Variants in ZMYND8 observed in about 807,000 individuals in gnomAD.
ZMYND8 encodes the protein zinc finger MYND-type containing 8.
In ZMYND8, 37 loss-of-function variants were observed where a neutral mutation model predicts 140.8. The observed-to-expected ratio is 0.26, with a 90% CI of 0.20 to 0.35. The LOEUF is 0.35. ZMYND8 is among the 10% of genes least tolerant of loss of function. The pLI is 1.00. For missense variants in ZMYND8, 1,068 were observed against 1,570.0 expected, an observed-to-expected ratio of 0.68 and a Z score of 5.40; for synonymous variants, 592 against 597.1, an observed-to-expected ratio of 0.99 and a Z score of 0.12.
intron 6 of ZMYND8, among the ~76,000 whole-genome samples, chr20:47,290,942 TCACA>T (rs1463599065): frequency 6.6e-6 from 1 of 152,184 alleles, no homozygotes; most frequent in Non-Finnish European, 1.5e-5. Context: ...TCATATGGTC[TCACA>T]CAAACCTCAC....
intron 2 of ZMYND8, chr20:47,318,714 C>G (rs779931595): frequency 2.2e-6 from 1 of 458,664 alleles, no homozygotes; most frequent in Admixed American, 2.3e-5. Flanking sequence ...CCAGAGCTGC[C>G]GGGCTGAGCC....
In ZMYND8 at chr20:47,303,132, A is replaced by C. The variant is rs377400321; in HGVS notation, c.235-4185T>G. Among the ~76,000 whole-genome samples, 38 of 152,242 alleles carry C rather than the reference A, an allele frequency of 2.5e-4. No homozygotes were observed. The East Asian group carries it at 4.2e-3, about 17-fold the overall frequency. On this transcript the variant is annotated intron_variant, in intron 3 of 22. Coordinates refer to ENST00000471951, the MANE Select transcript of ZMYND8 (RefSeq NM_001281775.3). Reference sequence around the variant, plus strand: ...GTAGAGGGTCTGCTCTCTGCCTAGGAAAATGGTTGCTTCGAATTTATTGTA... The same window carrying C: ...GTAGAGGGTCTGCTCTCTGCCTAGGCAAATGGTTGCTTCGAATTTATTGTA...
rs2075621131 is a variant in ZMYND8 at position 47,267,543 on chromosome 20, T to C, written c.1481-5115A>G. Among the ~76,000 whole-genome samples the C allele has an allele frequency of 2.0e-5, 3 of 151,804 alleles. No homozygotes were observed. The South Asian group carries it at 6.2e-4, about 32-fold the overall frequency. On this transcript the variant is annotated intron_variant, in intron 11 of 22. Coordinates refer to ENST00000471951, the MANE Select transcript of ZMYND8 (RefSeq NM_001281775.3). ...CTGGGCAACACTGCCCTGCCTATCA[T>C]TTCCCATGGAGACCCCGTAAGCACT...
At chr20:47,356,167 G>A (rs1399735735) in intron 1 of ZMYND8, among the ~76,000 whole-genome samples, 11 of 151,062 alleles carry the variant, frequency 7.3e-5, no homozygotes, top group African/African-American at 2.0e-4. Flanking sequence ...AAACTTGCCT[G>A]CTCTGCTGTC....
At chr20:47,303,950 C>A (rs972366753) in intron 3 of ZMYND8, among the ~76,000 whole-genome samples, 1 of 152,200 alleles carries the variant, frequency 6.6e-6, no homozygotes, top group Non-Finnish European at 1.5e-5. Flanking sequence ...TTGCTGAGAG[C>A]TAGATGCCTG....
intron 2 of ZMYND8, chr20:47,318,503 C>A (rs1403074930): frequency 2.8e-6 from 1 of 354,906 alleles, no homozygotes; most frequent in Non-Finnish European, 5.6e-6. Context: ...CCTGGCAGAG[C>A]ATAGAAGTAA....
intron 22 of ZMYND8, 126 bp from the exon 23 acceptor site, chr20:47,211,023 C>T: frequency 7.7e-7 from 1 of 1,295,456 alleles, no homozygotes. Context: ...GGTTCAAACA[C>T]TGCCACCGCT....
At chr20:47,229,972 A>C (rs2038239244) in intron 16 of ZMYND8, among the ~76,000 whole-genome samples, 166 bp from the exon 17 acceptor site, 1 of 152,144 alleles carries the variant, frequency 6.6e-6, no homozygotes. Context: ...GTGCAGGAGC[A>C]AGGAGAAGGA....
chr20:47,300,864 G>A (rs561610622), intron 3 of ZMYND8, among the ~76,000 whole-genome samples: 222 of 150,944 alleles, frequency 1.5e-3, no homozygotes, highest in African/African-American at 4.9e-3. Context: ...ACAGGTGAGC[G>A]CCACCATGCA....
intron 1 of ZMYND8, 21 bp downstream of exon 1, chr20:47,356,636 T>C (rs933597064): frequency 7.4e-6 from 12 of 1,614,034 alleles, no homozygotes; most frequent in Non-Finnish European, 1.0e-5. Context: ...GGAAAAAAGA[T>C]GGTTAAAAAG....
chr20:47,238,686 C>A, intron 15 of ZMYND8, 72 bp downstream of exon 15: 1 of 1,544,182 alleles, frequency 6.5e-7, no homozygotes. Flanking sequence ...AATAAAAGAG[C>A]AATGACTTTC....
At chr20:47,331,886 AAGAC>A (rs2080981974) in intron 2 of ZMYND8, among the ~76,000 whole-genome samples, 1 of 152,176 alleles carries the variant, frequency 6.6e-6, no homozygotes, top group African/African-American at 2.4e-5. Context: ...TTGCAGGACA[AAGAC>A]AGGAATACAG....
chr20:47,220,939 T>A (rs3092279), intron 20 of ZMYND8, among the ~76,000 whole-genome samples: 17,694 of 152,094 alleles, frequency 0.12, 1,131 homozygotes, highest in South Asian at 0.16. Context: ...TCTCAATTAA[T>A]TAAAATTAAA....
intron 12 of ZMYND8, among the ~76,000 whole-genome samples, chr20:47,261,019 C>T (rs1268161844): frequency 6.6e-6 from 1 of 151,928 alleles, no homozygotes; most frequent in African/African-American, 2.4e-5. Flanking sequence ...GTTGGGAGTT[C>T]GAGACCAGCC....
At chr20:47,303,621 G>A (rs959258353) in intron 3 of ZMYND8, among the ~76,000 whole-genome samples, 13 of 152,058 alleles carry the variant, frequency 8.5e-5, no homozygotes, top group South Asian at 4.1e-4. Context: ...GCTTGAACCC[G>A]GGAGGTGGAG....
chr20:47,341,822 G>A (rs1251272799), intron 2 of ZMYND8, among the ~76,000 whole-genome samples: 1 of 151,772 alleles, frequency 6.6e-6, no homozygotes, highest in Non-Finnish European at 1.5e-5. Context: ...CCTAACATGG[G>A]GAAACCCTGT....
intron 12 of ZMYND8, 118 bp from the exon 13 acceptor site, chr20:47,249,557 C>T: frequency 1.4e-6 from 2 of 1,384,488 alleles, no homozygotes; most frequent in East Asian, 4.7e-5. Flanking sequence ...GGGGGAGATA[C>T]TTTTTTTGTC....
At chr20:47,304,773 G>C (rs529795142) in intron 3 of ZMYND8, among the ~76,000 whole-genome samples, 3 of 152,210 alleles carry the variant, frequency 2.0e-5, no homozygotes, top group Admixed American at 6.5e-5. Context: ...GGGGGAGACA[G>C]CAGGGCTGGG....
chr20:47,210,951 A>G, intron 22 of ZMYND8, 54 bp from the exon 23 acceptor site: 1 of 1,589,550 alleles, frequency 6.3e-7, no homozygotes, highest in Non-Finnish European at 8.6e-7. Flanking sequence ...GCCTGAGCAC[A>G]ACTATCCTGC....
Sources: allele counts gnomAD v4.1 joint callset (sites outside exome capture counted in the v4.1 genomes callset), GRCh38; gene constraint gnomAD v4.1.1; transcripts MANE v1.5; gene names NCBI Gene and HGNC (gene_info 2026-07-23, HGNC 2026-07-21).